The following RERE variants were observed in gnomAD, a reference collection of about 807,000 sequenced individuals.
RERE encodes the protein arginine-glutamic acid dipeptide repeats protein.
In RERE, 40 loss-of-function variants were observed where a neutral mutation model predicts 146.1. The ratio of observed to expected loss-of-function variants is 0.27; its 90% CI spans 0.21 to 0.36. The LOEUF is 0.36. RERE is among the 10% of genes least tolerant of loss of function. The probability of loss-of-function intolerance (pLI) is 1.00; values close to 1 mark genes in which losing one functional copy is unlikely to be tolerated. For synonymous variants in RERE, 1,003 were observed against 866.0 expected, an observed-to-expected ratio of 1.16 and a Z score of -2.78; for missense variants, 1,933 against 2,138.7, an observed-to-expected ratio of 0.90 and a Z score of 1.90.
intron 1 of RERE, among the ~76,000 whole-genome samples, chr1:8,794,124 G>A (rs542263787): frequency 1.1e-4 from 17 of 149,392 alleles, no homozygotes; most frequent in Middle Eastern, 3.4e-3. Flanking sequence ...AAGGCTGGGC[G>A]CGGTGGCTCA....
rs554598984 is a variant in RERE at position 8,480,683 on chromosome 1, G to A, written c.1104+14380C>T. Among the ~76,000 whole-genome samples the A allele has an allele frequency of 3.2e-4, 49 of 152,120 alleles. 1 individual carries two copies. The Middle Eastern group carries it at 0.014, about 43-fold the overall frequency. ...ACTCCTGACCTAAGGTGATCCACCC[G>A]CCTCGGCCTCCCAAAATGCTGGGAT... On this transcript the variant is annotated intron_variant, in intron 10 of 22. Coordinates refer to ENST00000400908, the MANE Select transcript of RERE (RefSeq NM_001042681.2).
In RERE at chr1:8,653,364, T is replaced by C. The variant is rs191428141; in HGVS notation, c.325+2609A>G. On this transcript the variant is annotated intron_variant, in intron 2 of 22. Coordinates refer to ENST00000400908, the MANE Select transcript of RERE (RefSeq NM_001042681.2). Reference sequence around the variant, plus strand: ...AAATTGTTATCAAGAGAAAGGATAATAAAAAAGTAAATCTTTCCTTATACT... The same window carrying C: ...AAATTGTTATCAAGAGAAAGGATAACAAAAAAGTAAATCTTTCCTTATACT... Among the ~76,000 whole-genome samples the C allele has an allele frequency of 1.8e-3, 279 of 152,272 alleles. 2 individuals carry two copies. Among genetic ancestry groups the C allele is most frequent in the Non-Finnish European group, 5.7e-4 (39 of 68,010 alleles).
At chr1:8,734,694 C>T in intron 1 of RERE, among the ~76,000 whole-genome samples, 1 of 152,188 alleles carries the variant, frequency 6.6e-6, no homozygotes, top group East Asian at 1.9e-4. Flanking sequence ...GAGGACGTTG[C>T]CTAAGTGCTC....
At chr1:8,546,655 C>CT (rs1252373005) in intron 6 of RERE, among the ~76,000 whole-genome samples, 1 of 151,902 alleles carries the variant, frequency 6.6e-6, no homozygotes, top group African/African-American at 2.4e-5. Context: ...CAAGACCAGC[C>CT]TGGCCAACAT....
intron 12 of RERE, among the ~76,000 whole-genome samples, chr1:8,391,000 A>G (rs1222259140): frequency 6.6e-6 from 1 of 151,862 alleles, no homozygotes; most frequent in Non-Finnish European, 1.5e-5. Context: ...ACCCTCATCC[A>G]ATCTCGGGGT....
Position 8,636,347 on chromosome 1 carries a change from T to C in RERE, c.326-11967A>G, listed in dbSNP as rs918345923. On this transcript the variant is annotated intron_variant, in intron 2 of 22. Coordinates refer to ENST00000400908, the MANE Select transcript of RERE (RefSeq NM_001042681.2). ...TGTCTCTGAAACAGGGACTGCTAGC[T>C]GGGCCCAATATTTATTCTCCCCTTC... Among the ~76,000 whole-genome samples, 4 of 152,082 alleles carry C rather than the reference T, an allele frequency of 2.6e-5. 1 individual carries two copies. Among genetic ancestry groups the C allele is most frequent in the East Asian group, 1.9e-4 (1 of 5,192 alleles).
At chr1:8,401,841 T>C (rs1195030129) in intron 12 of RERE, among the ~76,000 whole-genome samples, 1 of 152,126 alleles carries the variant, frequency 6.6e-6, no homozygotes, top group Non-Finnish European at 1.5e-5. Context: ...CAACACAGTG[T>C]AAGTGATGCT....
chr1:8,709,142 G>A (rs886360099), intron 1 of RERE, among the ~76,000 whole-genome samples: 1 of 151,710 alleles, frequency 6.6e-6, no homozygotes, highest in East Asian at 1.9e-4. Flanking sequence ...GGATGGTCTC[G>A]ATCTCCTGAC....
intron 10 of RERE, among the ~76,000 whole-genome samples, chr1:8,472,667 T>TA (rs935467580): frequency 2.8e-4 from 42 of 152,290 alleles, no homozygotes; most frequent in Middle Eastern, 3.4e-3. Flanking sequence ...GGAGCTACTG[T>TA]AAAAAGATCA....
chr1:8,803,655 C>G (rs1233662105), intron 1 of RERE, among the ~76,000 whole-genome samples: 46 of 151,936 alleles, frequency 3.0e-4, no homozygotes, highest in Admixed American at 3.0e-3. Flanking sequence ...CTTGACCTCC[C>G]AAGCTAAATC....
rs545600007 is a variant in RERE at position 8,614,579 on chromosome 1, G to A, written c.504C>T (p.Ala168=). 1.9e-6 allele frequency: 3 copies of A among 1,612,804 alleles called. No homozygotes were observed. Among genetic ancestry groups the A allele is most frequent in the Admixed American group, 1.7e-5 (1 of 59,848 alleles). Residue 168 remains alanine (A), a synonymous_variant, in exon 4 of 23, where the codon GCC becomes GCT. Transcript: ENST00000400908. ...ASQPPQHLSE[A]GRGPVGSKRD... ...TCCTTACCCCTACAGGCCCTCTCCC[G>A]GCTTCAGAAAGATGCTGTGGTGGCT...
intron 11 of RERE, among the ~76,000 whole-genome samples, chr1:8,444,361 C>A (rs159963): frequency 0.52 from 79,261 of 152,034 alleles, 21,816 homozygotes; most frequent in East Asian, 0.83. Flanking sequence ...TGCCTATACC[C>A]GCATTGTATC....
intron 1 of RERE, among the ~76,000 whole-genome samples, chr1:8,744,968 C>T (rs941435274): frequency 1.1e-4 from 16 of 152,126 alleles, no homozygotes; most frequent in African/African-American, 3.9e-4. Flanking sequence ...TTTATCCTAC[C>T]TCCAGTCAAG....
At chr1:8,672,317 G>GT (rs950553271) in intron 1 of RERE, among the ~76,000 whole-genome samples, 1 of 151,980 alleles carries the variant, frequency 6.6e-6, no homozygotes, top group Non-Finnish European at 1.5e-5. Context: ...GGGACTACAG[G>GT]TACGTATCAC....
At chr1:8,767,712 A>G (rs944991762) in intron 1 of RERE, among the ~76,000 whole-genome samples, 2 of 152,210 alleles carry the variant, frequency 1.3e-5, no homozygotes, top group African/African-American at 4.8e-5. Context: ...CTGTAATCCC[A>G]GCACTTTGGG....
chr1:8,576,963 A>G (rs1646302192), intron 4 of RERE, among the ~76,000 whole-genome samples: 1 of 152,166 alleles, frequency 6.6e-6, no homozygotes, highest in Non-Finnish European at 1.5e-5. Context: ...AGGTCAGGAG[A>G]TGGAGACCAT....
At chr1:8,686,915 G>A (rs1639101620) in intron 1 of RERE, among the ~76,000 whole-genome samples, 2 of 152,080 alleles carry the variant, frequency 1.3e-5, no homozygotes, top group Non-Finnish European at 2.9e-5. Flanking sequence ...CATATCCCAG[G>A]CAGAAGGAAC....
At chr1:8,796,237 G>A (rs147043831) in intron 1 of RERE, among the ~76,000 whole-genome samples, 66 of 152,184 alleles carry the variant, frequency 4.3e-4, no homozygotes, top group African/African-American at 1.5e-3. Flanking sequence ...TTTCAGGACA[G>A]TGCCTCTAAG....
chr1:8,421,937 C>G (rs1643915850), intron 12 of RERE, among the ~76,000 whole-genome samples: 1 of 152,180 alleles, frequency 6.6e-6, no homozygotes, highest in Non-Finnish European at 1.5e-5. Context: ...TCTGCCCTAT[C>G]CCGTGGCCTA....
Sources: allele counts gnomAD v4.1 joint callset (sites outside exome capture counted in the v4.1 genomes callset), GRCh38; gene constraint gnomAD v4.1.1; transcripts MANE v1.5; gene names NCBI Gene and HGNC (gene_info 2026-07-23, HGNC 2026-07-21).